The following THBS2 variants were observed in gnomAD, a reference collection of about 807,000 sequenced individuals.
The protein encoded by THBS2 is thrombospondin 2, also known as thrombospondin-2.
A neutral mutation model predicts 135.2 loss-of-function variants in THBS2; 47 were observed. The observed-to-expected ratio is 0.35, with a 90% confidence interval of 0.28 to 0.44. The LOEUF is 0.44. THBS2 is among the 20% of genes least tolerant of loss of function. THBS2 has a pLI of 1.00. For synonymous variants in THBS2, 639 were observed against 633.8 expected, an observed-to-expected ratio of 1.01 and a Z score of -0.12; for missense variants, 1,288 against 1,603.1, an observed-to-expected ratio of 0.80 and a Z score of 3.36.
At chr6:169,243,576 C>G (rs1190250467) in intron 4 of THBS2, among the ~76,000 whole-genome samples, 1 of 152,222 alleles carries the variant, frequency 6.6e-6, no homozygotes, top group Non-Finnish European at 1.5e-5. Context: ...AGCTCAGAAG[C>G]TTCCCCTCGG....
rs1779626794 is a variant in THBS2 at position 169,226,273 on chromosome 6, A to G, written c.2445T>C (p.Cys815=). ...TCTGGTCAGTGTTGTAGACGTAGGG[A>G]CAATTGTCTCGTTCATTGAAGACAT... ...GDDVFNERDN[C]PYVYNTDQRD... Residue 815 remains cysteine (C), a synonymous_variant, in exon 16 of 22, where the codon TGT becomes TGC. Coordinates refer to ENST00000617924, the MANE Select transcript of THBS2 (RefSeq NM_003247.5). The G allele has an allele frequency of 1.9e-6, 3 of 1,614,032 alleles. No individual in the cohort carries two copies. The East Asian group carries it at 6.7e-5, about 36-fold the overall frequency.
At chr6:169,218,041 GATGGATGGATGGATGGATGGATGAA>G (rs1410860254) in intron 21 of THBS2, among the ~76,000 whole-genome samples, 3 of 26,692 alleles carry the variant, frequency 1.1e-4, no homozygotes, top group Admixed American at 1.1e-3. Context: ...GGGTGGATGA[GATGGATGGATGGATGGATGGATGAA>G]ATGGATGGGT....
At position 169,221,381 on chromosome 6, in the gene THBS2, C is replaced by T. The variant is rs572154475; in HGVS notation, c.3371+49G>A. Reference sequence around the variant, plus strand: ...TCTATTAATGTTCAAATGTGCCGTCCGATGGGAAGCCCCTTGGAAGAAATG... The same window carrying T: ...TCTATTAATGTTCAAATGTGCCGTCTGATGGGAAGCCCCTTGGAAGAAATG... On this transcript the variant is annotated intron_variant, in intron 20 of 21. Coordinates refer to ENST00000617924, the MANE Select transcript of THBS2 (RefSeq NM_003247.5). 62 of 1,550,476 alleles carry T rather than the reference C, an allele frequency of 4.0e-5. 2 individuals are homozygous for T. The South Asian group carries it at 4.9e-4, about 12-fold the overall frequency.
chr6:169,253,031 G>A (rs191792416), intron 1 of THBS2, among the ~76,000 whole-genome samples: 167 of 152,202 alleles, frequency 1.1e-3, no homozygotes, highest in African/African-American at 3.3e-3. Context: ...CTGCCAGCTC[G>A]CTTTTCATAT....
chr6:169,240,623 G>A, intron 5 of THBS2, 31 bp from the exon 6 acceptor site: 3 of 1,611,728 alleles, frequency 1.9e-6, no homozygotes, highest in African/African-American at 2.7e-5. Context: ...TTTAAGTGTA[G>A]ACAATAATAC....
intron 5 of THBS2, among the ~76,000 whole-genome samples, chr6:169,240,907 G>A (rs1268161817): frequency 2.6e-5 from 4 of 152,142 alleles, no homozygotes; most frequent in Admixed American, 2.6e-4. Flanking sequence ...GGGACGCCAG[G>A]TGGGACTGGG....
intron 15 of THBS2, 68 bp from the exon 16 acceptor site, chr6:169,226,366 C>T: frequency 7.8e-7 from 1 of 1,276,362 alleles, no homozygotes; most frequent in Admixed American, 1.8e-5. Context: ...AGAAAAAGCA[C>T]ATTGTTTTTC....
intron 17 of THBS2, among the ~76,000 whole-genome samples, chr6:169,223,948 G>A (rs1339257071): frequency 1.3e-5 from 2 of 152,150 alleles, no homozygotes; most frequent in Non-Finnish European, 1.5e-5. Flanking sequence ...ATGGACTTCC[G>A]CTGTTTAGTG....
At chr6:169,237,107 G>A in intron 9 of THBS2, 63 bp downstream of exon 9, 1 of 1,535,012 alleles carries the variant, frequency 6.5e-7, no homozygotes, top group East Asian at 2.3e-5. Context: ...CTCCAGCTGT[G>A]GCTGCTCACT....
Position 169,241,795 on chromosome 6 carries a change from G to A in THBS2, c.858C>T (p.Leu286=), listed in dbSNP as rs1023373236. 8.7e-6 allele frequency: 14 copies of A among 1,611,410 alleles called. 1 individual carries two copies. Among genetic ancestry groups the A allele is most frequent in the African/African-American group, 2.7e-5 (2 of 74,914 alleles). ...TGAGGTTCTCGCTGAGCTGGTTCAC[G>A]AGGACGTGGAGCCCCGAGAGCTCCT... is the stretch of plus-strand genomic sequence containing the variant. ...MVQELSGLHV[L]VNQLSENLKR... is the part of the protein sequence containing the mutation. The change falls in exon 5 of 22, where the codon CTC becomes CTT. Residue 286 remains leucine, a synonymous_variant. Transcript: ENST00000617924. The surrounding 1 kb of genome is among the most constrained non-coding windows in gnomAD (Gnocchi z 5.5).
At chr6:169,231,823 G>A (rs1364835105) in intron 13 of THBS2, among the ~76,000 whole-genome samples, 157 bp downstream of exon 13, 1 of 152,218 alleles carries the variant, frequency 6.6e-6, no homozygotes, top group Admixed American at 6.5e-5. Flanking sequence ...AGGGGACCAG[G>A]GGGATGCATT....
At position 169,246,295 on chromosome 6, in the gene THBS2, C is replaced by G. The variant is rs907025522; in HGVS notation, c.610-14G>C. 2 of 1,607,104 alleles carry G rather than the reference C, an allele frequency of 1.2e-6. No individual in the cohort carries two copies. Among genetic ancestry groups the G allele is most frequent in the Admixed American group, 1.7e-5 (1 of 59,940 alleles). ...CTGAAGCAAACCCTGTAAGTATACA[C>G]AAGCAGAAAAATAGAGCAACAGATA... On this transcript the variant is annotated splice_polypyrimidine_tract_variant and intron_variant, in intron 3 of 21. Transcript: ENST00000617924.
Position 169,232,561 on chromosome 6 carries a change from G to C in THBS2, c.1932+103C>G. 6.6e-6 allele frequency: 10 copies of C among 1,509,296 alleles called. No homozygotes were observed. The South Asian group carries it at 1.3e-4, about 20-fold the overall frequency. 93.5% of individuals were successfully genotyped at this position (1,509,296 alleles called of 1,614,324 possible). On this transcript the variant is annotated intron_variant, in intron 12 of 21. Transcript: ENST00000617924. ...GGCCAGCCCCTCCCATGCCTCTCCC[G>C]GGCCACGCCACCCCTTCCTCTCCTT...
chr6:169,242,915 C>A (rs1475908578), intron 4 of THBS2, among the ~76,000 whole-genome samples: 1 of 102,454 alleles, frequency 9.8e-6, no homozygotes, highest in Non-Finnish European at 1.9e-5. Context: ...ATCTTCCCAC[C>A]TTCCCACCAC....
chr6:169,242,957 T>TC (rs1780399994), intron 4 of THBS2, among the ~76,000 whole-genome samples: 1 of 93,082 alleles, frequency 1.1e-5, no homozygotes, highest in Non-Finnish European at 2.1e-5. Context: ...CCTTCCCACC[T>TC]TCCCACTGCT....
In THBS2 at chr6:169,225,253, T is replaced by C. The variant is rs1779582930; in HGVS notation, c.2665A>G (p.Arg889Gly). Residue 889 changes from arginine (R) to glycine (G), a missense_variant, in exon 17 of 22, where the codon AGA becomes GGA. This residue lies in a region of THBS2 where 874 missense variants were observed against 1,156.1 expected (regional missense o/e 0.76). Transcript: ENST00000617924. ...TCACAGGCGTCGCCCTGGCCGTCTCTGTCATGGTCAGCCTGGTTGGCGTTG... is the reference window on the plus strand; with the variant it reads ...TCACAGGCGTCGCCCTGGCCGTCTCCGTCATGGTCAGCCTGGTTGGCGTTG... Reference protein sequence around the residue: ...ISNANQADHDRDGQGDACDPD... With the variant: ...ISNANQADHDGDGQGDACDPD... 6.2e-7 allele frequency: 1 copy of C among 1,613,258 alleles called. No individual in the cohort carries two copies. The highest frequency in any genetic ancestry group is 8.5e-7 in the Non-Finnish European group (1 of 1,179,578).
intron 18 of THBS2, among the ~76,000 whole-genome samples, chr6:169,222,797 A>C: frequency 2.7e-5 from 1 of 37,706 alleles, no homozygotes; most frequent in South Asian, 5.6e-4. Flanking sequence ...TCCATCTCAA[A>C]AAAAAAAAAA....
intron 20 of THBS2, 120 bp downstream of exon 20, chr6:169,221,310 G>A (rs1180967247): frequency 5.9e-5 from 48 of 813,454 alleles, no homozygotes; most frequent in Non-Finnish European, 9.5e-5. Flanking sequence ...TAATGACGAA[G>A]AATCCAGAGT....
chr6:169,237,903 G>C (rs1036795840), intron 7 of THBS2, 108 bp from the exon 8 acceptor site: 50 of 1,314,316 alleles, frequency 3.8e-5, no homozygotes, highest in Non-Finnish European at 4.5e-5. Context: ...ATGCATCCAG[G>C]AATCTGAGGG....
Sources: allele counts gnomAD v4.1 joint callset (sites outside exome capture counted in the v4.1 genomes callset), GRCh38; gene constraint gnomAD v4.1.1; regional missense constraint gnomAD v4.1.1; non-coding constraint Gnocchi (gnomAD v3.1); transcripts MANE v1.5; gene names NCBI Gene and HGNC (gene_info 2026-07-23, HGNC 2026-07-21).